OTOF: variants seen among roughly 807,000 people sequenced by gnomAD.
OTOF encodes fer-1-like family member 2.
OTOF carries 218 observed loss-of-function variants against 236.8 expected under a neutral mutation model. That is an observed-to-expected ratio of 0.92 (90% CI 0.82 to 1.03). The LOEUF (loss-of-function observed/expected upper bound fraction) is 1.03. Among genes scored for constraint, OTOF ranks in the 50% least tolerant of loss-of-function variants. OTOF has a pLI of 0.00. For missense variants in OTOF, 2,590 were observed against 2,694.4 expected, an observed-to-expected ratio of 0.96 and a Z score of 0.86; for synonymous variants, 1,041 against 1,072.5, an observed-to-expected ratio of 0.97 and a Z score of 0.57.
Position 26,477,400 on chromosome 2 carries a change from C to A in OTOF, c.2406+16G>T. 1 of 1,575,490 alleles carries A rather than the reference C, an allele frequency of 6.3e-7. No individual in the cohort carries two copies. Among genetic ancestry groups the A allele is most frequent in the African/African-American group, 1.3e-5 (1 of 74,288 alleles). ...AGGCCCTCCCTCCAGCCCCCGCCGT[C>A]CAGTTGCGTCCTCACCAGCTCCCTC... On this transcript the variant is annotated intron_variant, in intron 20 of 46. Coordinates refer to ENST00000272371, the MANE Select transcript of OTOF (RefSeq NM_194248.3). This position sits in a 1 kb window ranked among gnomAD's most constrained non-coding sequence, Gnocchi z 4.7.
intron 8 of OTOF, among the ~76,000 whole-genome samples, chr2:26,498,344 A>G (rs1420338272): frequency 6.6e-6 from 1 of 152,168 alleles, no homozygotes; most frequent in Non-Finnish European, 1.5e-5. Flanking sequence ...CCCCGAGAGG[A>G]AGCTGAGGGC....
chr2:26,506,999 C>A (rs1572460343), intron 5 of OTOF, among the ~76,000 whole-genome samples: 1 of 152,276 alleles, frequency 6.6e-6, no homozygotes, highest in South Asian at 2.1e-4. Flanking sequence ...CAAACAAACA[C>A]ACAAACAAAA....
intron 5 of OTOF, among the ~76,000 whole-genome samples, chr2:26,514,840 A>G (rs1352485454): frequency 6.6e-6 from 1 of 152,112 alleles, no homozygotes; most frequent in Non-Finnish European, 1.5e-5. Context: ...GTTCTCTGGA[A>G]GCTCTTTCTT....
chr2:26,557,210 C>T (rs1018270986), intron 1 of OTOF, among the ~76,000 whole-genome samples: 1 of 152,196 alleles, frequency 6.6e-6, no homozygotes, highest in East Asian at 1.9e-4. Flanking sequence ...CTCTCCCATC[C>T]CTTCCAACAG....
At chr2:26,557,579 T>C (rs1165120116) in intron 1 of OTOF, among the ~76,000 whole-genome samples, 1 of 152,150 alleles carries the variant, frequency 6.6e-6, no homozygotes, top group Non-Finnish European at 1.5e-5. Context: ...ATGGAACCTC[T>C]TTCAGTTCCA....
At position 26,477,066 on chromosome 2, in the gene OTOF, G is replaced by A; in HGVS notation, c.2524-23C>T. 1 of 1,525,296 alleles carries A rather than the reference G, an allele frequency of 6.6e-7. No individual in the cohort carries two copies. The highest frequency in any genetic ancestry group is 8.9e-7 in the Non-Finnish European group (1 of 1,121,620). 94.5% of individuals were successfully genotyped at this position (1,525,296 alleles called of 1,614,324 possible). On this transcript the variant is annotated intron_variant, in intron 21 of 46. Transcript: ENST00000272371. This position sits in a 1 kb window ranked among gnomAD's most constrained non-coding sequence, Gnocchi z 4.7. ...GGGCTGGGGGTTGGGGGGTGGCCAG[G>A]GGCAGTGGGTAAGGGGGTCTAGCCT...
chr2:26,473,553 G>T lies in OTOF; in HGVS notation c.3423C>A (p.Gly1141=). The T allele has an allele frequency of 1.2e-6, 2 of 1,608,018 alleles. No homozygotes were observed. Among genetic ancestry groups the T allele is most frequent in the East Asian group, 2.2e-5 (1 of 44,842 alleles). The change falls in exon 28 of 47, where the codon GGC becomes GGA. Residue 1141 remains glycine, a synonymous_variant. Transcript: ENST00000272371. The surrounding 1 kb of genome is among the most constrained non-coding windows in gnomAD (Gnocchi z 7.2). ...SKYRVEVLFW[G]LRDLKRVNLA... ...GGTTCACCCGCTTTAGGTCCCGTAGGCCCCAGAACAGCACCTGGGAGAGGT... is the reference window on the plus strand; with the variant it reads ...GGTTCACCCGCTTTAGGTCCCGTAGTCCCCAGAACAGCACCTGGGAGAGGT...
chr2:26,494,706 G>C (rs753249053), intron 9 of OTOF, among the ~76,000 whole-genome samples: 1 of 151,916 alleles, frequency 6.6e-6, no homozygotes, highest in Non-Finnish European at 1.5e-5. Flanking sequence ...AGGAGCACCC[G>C]GGTGGTGTAC....
intron 9 of OTOF, among the ~76,000 whole-genome samples, chr2:26,490,389 G>A (rs1250534150): frequency 6.6e-6 from 1 of 152,178 alleles, no homozygotes; most frequent in African/African-American, 2.4e-5. Context: ...CACTTAGTTG[G>A]CAGTCGATGT....
chr2:26,477,306 T>TCC lies in OTOF; in HGVS notation c.2407-19_2407-18insGG, dbSNP rs775539335. On this transcript the variant is annotated intron_variant, in intron 20 of 46. Transcript: ENST00000272371. The surrounding 1 kb of genome is among the most constrained non-coding windows in gnomAD (Gnocchi z 4.7). ...ATGTTTTCCTGCGAAGGAGGGGGTG[T>TCC]CAGTGAACCCAGCAACTGGGGGACA... 1 of 1,606,638 alleles carries TCC rather than the reference T, an allele frequency of 6.2e-7. No individual in the cohort carries two copies. The highest frequency in any genetic ancestry group is 8.5e-7 in the Non-Finnish European group (1 of 1,176,698).
At position 26,461,006 on chromosome 2, in the gene OTOF, C is replaced by T. The variant is rs111033329; in HGVS notation, c.5558G>A (p.Arg1853Gln). The change falls in exon 44 of 47, where the codon CGG becomes CAG. Residue 1853 changes from arginine to glutamine, a missense_variant. By Grantham distance (43) the Arg-to-Gln change is conservative (BLOSUM62 1). Transcript: ENST00000272371. The surrounding 1 kb of genome is among the most constrained non-coding windows in gnomAD (Gnocchi z 6.2). The part of the protein sequence containing the change: ...FLGAIELDLN[R>Q]FPRGAKTAKQ... ...GGCTGTCTTTGCGCCCCGCGGGAAC[C>T]GGTTCAGGTCCAGCTCGATGGCCCC... 9.4e-3 allele frequency: 13,008 copies of T among 1,383,832 alleles called. 64 individuals are homozygous for T. Among genetic ancestry groups the T allele is most frequent in the Non-Finnish European group, 0.011 (11,176 of 1,036,180 alleles). 85.7% of individuals were successfully genotyped at this position (1,383,832 alleles called of 1,614,324 possible).
chr2:26,467,290 C>T, intron 34 of OTOF, 57 bp from the exon 35 acceptor site: 1 of 1,613,676 alleles, frequency 6.2e-7, no homozygotes, highest in Non-Finnish European at 8.5e-7. Context: ...TTTGTCCTGC[C>T]CCACCTGCAG....
intron 30 of OTOF, 39 bp downstream of exon 30, chr2:26,472,480 T>C: frequency 6.2e-7 from 1 of 1,612,822 alleles, no homozygotes; most frequent in Non-Finnish European, 8.5e-7. Flanking sequence ...CGAAGTTGCA[T>C]GTTCCCAGCC....
Position 26,519,123 on chromosome 2 carries a change from AGGGGGCACGGT to A in OTOF, c.228-25_228-15del. ...GTCCCGATGAGCCTGGGGATGGCAG[AGGGGGCACGGT>A]GGTAACATGGAAGAGACCAGGGTGA... On this transcript the variant is annotated splice_polypyrimidine_tract_variant and intron_variant, in intron 3 of 46. Coordinates refer to ENST00000272371, the MANE Select transcript of OTOF (RefSeq NM_194248.3). 6.5e-7 allele frequency: 1 copy of A among 1,545,090 alleles called. No individual in the cohort carries two copies.
intron 12 of OTOF, 55 bp downstream of exon 12, chr2:26,484,419 C>G: frequency 6.2e-7 from 1 of 1,605,020 alleles, no homozygotes; most frequent in South Asian, 1.1e-5. Flanking sequence ...CGGGGGCTCC[C>G]TGGGGGAAGG....
In OTOF at chr2:26,476,115, G is replaced by T; in HGVS notation, c.2866+13C>A. 1 of 1,611,026 alleles carries T rather than the reference G, an allele frequency of 6.2e-7. No homozygotes were observed. The highest frequency in any genetic ancestry group is 8.5e-7 in the Non-Finnish European group (1 of 1,179,220). ...CTCCCAGGTGAGGCTTCGAGTGAGG[G>T]GTCCTCACTCACTGGTGTAGACCAG... On this transcript the variant is annotated intron_variant, in intron 23 of 46. Transcript: ENST00000272371.
intron 9 of OTOF, among the ~76,000 whole-genome samples, chr2:26,493,013 G>C (rs940321257): frequency 6.6e-6 from 1 of 152,204 alleles, no homozygotes; most frequent in Non-Finnish European, 1.5e-5. Flanking sequence ...CTGCTATCAA[G>C]TAACCACCGG....
intron 39 of OTOF, 43 bp downstream of exon 39, chr2:26,464,826 C>T (rs1235082101): frequency 6.9e-6 from 11 of 1,583,546 alleles, no homozygotes; most frequent in Non-Finnish European, 9.5e-6. Context: ...CCTCTGAAAC[C>T]CCCTGGAGAG....
chr2:26,533,629 G>A (rs1356294369), intron 2 of OTOF, among the ~76,000 whole-genome samples: 2 of 152,062 alleles, frequency 1.3e-5, no homozygotes, highest in Admixed American at 6.6e-5. Flanking sequence ...GTGATCTAAA[G>A]TCCCTTTAGG....
Sources: allele counts gnomAD v4.1 joint callset (sites outside exome capture counted in the v4.1 genomes callset), GRCh38; gene constraint gnomAD v4.1.1; non-coding constraint Gnocchi (gnomAD v3.1); transcripts MANE v1.5; gene names NCBI Gene and HGNC (gene_info 2026-07-23, HGNC 2026-07-21).